Variants in PTK7 observed in about 807,000 individuals in gnomAD.
PTK7 encodes protein tyrosine kinase 7 (inactive).
Under a neutral mutation model 116.6 loss-of-function variants are expected in PTK7, and 39 were observed. That is an observed-to-expected ratio of 0.33 (90% CI 0.26 to 0.44). The LOEUF is 0.44. PTK7 is among the 20% of genes least tolerant of loss of function. The pLI, the probability that PTK7 is intolerant of heterozygous loss-of-function variation, is 1.00. For missense variants in PTK7, 1,169 were observed against 1,425.6 expected, an observed-to-expected ratio of 0.82 and a Z score of 2.90; for synonymous variants, 546 against 563.6, an observed-to-expected ratio of 0.97 and a Z score of 0.44.
intron 1 of PTK7, among the ~76,000 whole-genome samples, chr6:43,108,429 T>G (rs1768016103): frequency 7.3e-6 from 1 of 137,212 alleles, no homozygotes; most frequent in Non-Finnish European, 1.6e-5. Flanking sequence ...AGACAGGGTC[T>G]CAGTTTGTTG....
chr6:43,153,615 T>A (rs1025647531), intron 17 of PTK7, among the ~76,000 whole-genome samples: 2 of 152,138 alleles, frequency 1.3e-5, no homozygotes, highest in South Asian at 2.1e-4. Context: ...CTCACTATGT[T>A]GCCCAGGCTG....
chr6:43,126,235 G>A (rs909863070), intron 1 of PTK7, among the ~76,000 whole-genome samples: 10 of 152,136 alleles, frequency 6.6e-5, no homozygotes, highest in Non-Finnish European at 1.2e-4. Flanking sequence ...CATGAGAATC[G>A]CTTAAATCCG....
chr6:43,139,299 C>T lies in PTK7; in HGVS notation c.1498+28C>T. 1.2e-6 allele frequency: 2 copies of T among 1,614,184 alleles called. No individual in the cohort carries two copies. The highest frequency in any genetic ancestry group is 1.7e-6 in the Non-Finnish European group (2 of 1,180,014). ...GAGCCAGCATGTCTTGGGGGAGCAC[C>T]CTTCCTGGCTAGGCAGGAGAGGAAA... On this transcript the variant is annotated intron_variant, in intron 9 of 19. Coordinates refer to ENST00000230419, the MANE Select transcript of PTK7 (RefSeq NM_002821.5). This position sits in a 1 kb window ranked among gnomAD's most constrained non-coding sequence, Gnocchi z 4.6.
chr6:43,118,679 A>ATGTCTG (rs1561956636), intron 1 of PTK7, among the ~76,000 whole-genome samples: 87 of 114,592 alleles, frequency 7.6e-4, no homozygotes, highest in African/African-American at 3.3e-3. Flanking sequence ...ATATATATAT[A>ATGTCTG]TATATATATG....
At chr6:43,142,132 C>A (rs200956359) in intron 12 of PTK7, 40 bp from the exon 13 acceptor site, 1 of 1,612,140 alleles carries the variant, frequency 6.2e-7, no homozygotes, top group Non-Finnish European at 8.5e-7. Context: ...CAGCCCCCCT[C>A]CCTGCGAGCT....
In PTK7 at chr6:43,143,675, C is replaced by A; in HGVS notation, c.2251+55C>A. The A allele has an allele frequency of 1.3e-6, 2 of 1,561,344 alleles. No homozygotes were observed. Among genetic ancestry groups the A allele is most frequent in the South Asian group, 2.3e-5 (2 of 87,682 alleles). On this transcript the variant is annotated intron_variant, in intron 14 of 19. Coordinates refer to ENST00000230419, the MANE Select transcript of PTK7 (RefSeq NM_002821.5). The surrounding 1 kb of genome is among the most constrained non-coding windows in gnomAD (Gnocchi z 4.2). ...CCGTGTGCGGGAGCTGAGCGCCCTC[C>A]CGCGGCCACGGAGGGGAGAGCGCCA... is the stretch of plus-strand genomic sequence containing the variant.
At chr6:43,100,382 C>CA (rs34878554) in intron 1 of PTK7, among the ~76,000 whole-genome samples, 113 of 107,868 alleles carry the variant, frequency 1.0e-3, no homozygotes, top group Middle Eastern at 5.5e-3. Flanking sequence ...GACTCCATCT[C>CA]AAAAAAAAAA....
At chr6:43,102,440 T>C (rs1220441068) in intron 1 of PTK7, among the ~76,000 whole-genome samples, 2 of 150,446 alleles carry the variant, frequency 1.3e-5, no homozygotes, top group Non-Finnish European at 3.0e-5. Flanking sequence ...AAAAAAAAAA[T>C]TAGCCGGTTG....
intron 7 of PTK7, 105 bp downstream of exon 7, chr6:43,132,792 T>G: frequency 6.8e-7 from 1 of 1,480,826 alleles, no homozygotes. Context: ...CTCTCAGTTC[T>G]GGGCCCTGCA....
intron 1 of PTK7, among the ~76,000 whole-genome samples, chr6:43,127,865 C>T (rs1425813634): frequency 6.6e-6 from 1 of 151,748 alleles, no homozygotes; most frequent in East Asian, 1.9e-4. Flanking sequence ...GGAGGCAGAG[C>T]TTGCAGTGAG....
intron 10 of PTK7, among the ~76,000 whole-genome samples, chr6:43,140,177 G>A (rs1195761853): frequency 1.4e-5 from 2 of 147,536 alleles, no homozygotes. Flanking sequence ...GGCCGGGCGT[G>A]GTGGCTCACG....
intron 1 of PTK7, among the ~76,000 whole-genome samples, chr6:43,091,188 TCTCA>T (rs374177408): frequency 2.2e-5 from 3 of 135,758 alleles, no homozygotes; most frequent in African/African-American, 8.6e-5. Context: ...GGAGATGGGG[TCTCA>T]CTCTGTCGCC....
At chr6:43,156,909 AC>A (rs1771467592) in intron 17 of PTK7, among the ~76,000 whole-genome samples, 3 of 151,000 alleles carry the variant, frequency 2.0e-5, no homozygotes, top group African/African-American at 7.4e-5. Flanking sequence ...AAACAAGCAA[AC>A]AAACAAAAGA....
Position 43,142,187 on chromosome 6 carries a change from G to T in PTK7, c.1935G>T (p.Gln645His). 1 of 1,614,162 alleles carries T rather than the reference G, an allele frequency of 6.2e-7. No homozygotes were observed. The highest frequency in any genetic ancestry group is 8.5e-7 in the Non-Finnish European group (1 of 1,180,032). ...CCCCCGACAGGATGCACATCTTCCA[G>T]AATGGCTCCCTGGTGATCCATGACG... ...TKLGPRMHIF[Q>H]NGSLVIHDVA... is the part of the protein sequence containing the mutation. Residue 645 changes from glutamine (Q) to histidine (H), a missense_variant, in exon 13 of 20, where the codon CAG becomes CAT. By Grantham distance (24) the Gln-to-His change is conservative. Transcript: ENST00000230419.
intron 17 of PTK7, among the ~76,000 whole-genome samples, chr6:43,147,027 C>T (rs1226976311): frequency 6.6e-6 from 1 of 152,226 alleles, no homozygotes; most frequent in African/African-American, 2.4e-5. Context: ...GGACGCCTGC[C>T]CACCTGCAAT....
chr6:43,149,970 C>T (rs963125432), intron 17 of PTK7, among the ~76,000 whole-genome samples: 7 of 152,040 alleles, frequency 4.6e-5, no homozygotes, highest in Non-Finnish European at 1.0e-4. Context: ...CTGAGGGGAG[C>T]CTCAGGAGGA....
Position 43,160,926 on chromosome 6 carries a change from T to C in PTK7, c.*45T>C. On this transcript the variant is annotated 3_prime_UTR_variant, in exon 20 of 20. Transcript: ENST00000230419. Reference sequence around the variant, plus strand: ...TGGCCTGGGCAGGGGAGGACATCTCTAGAGGGAAGCTCACAGCATGATGGG... The same window carrying C: ...TGGCCTGGGCAGGGGAGGACATCTCCAGAGGGAAGCTCACAGCATGATGGG... The C allele has an allele frequency of 6.3e-7, 1 of 1,598,290 alleles. No homozygotes were observed. The highest frequency in any genetic ancestry group is 8.5e-7 in the Non-Finnish European group (1 of 1,172,658).
chr6:43,141,977 G>C lies in PTK7; in HGVS notation c.1815G>C (p.Gln605His). Residue 605 changes from glutamine (Q) to histidine (H), a missense_variant, in exon 12 of 20, where the codon CAG becomes CAC. Gln to His is a conservative substitution (Grantham distance 24). Around this residue, in one of 3 missense-constraint regions of PTK7, gnomAD observed 678 missense variants for 853.8 expected, o/e 0.79. Transcript: ENST00000230419. This position sits in a 1 kb window ranked among gnomAD's most constrained non-coding sequence, Gnocchi z 4.9. ...AACCAGAGCGTACGACTGTGTACCAGGGCCACACAGCCCTACTGCAGTGCG... is the reference window on the plus strand; with the variant it reads ...AACCAGAGCGTACGACTGTGTACCACGGCCACACAGCCCTACTGCAGTGCG... ...KVEPERTTVY[Q>H]GHTALLQCEA... 2 of 1,613,642 alleles carry C rather than the reference G, an allele frequency of 1.2e-6. No individual in the cohort carries two copies. Among genetic ancestry groups the C allele is most frequent in the Non-Finnish European group, 1.7e-6 (2 of 1,179,932 alleles).
intron 17 of PTK7, among the ~76,000 whole-genome samples, chr6:43,157,218 C>G (rs1479307335): frequency 2.8e-5 from 4 of 143,610 alleles, no homozygotes; most frequent in Non-Finnish European, 6.0e-5. Context: ...GTTTTCTTAC[C>G]TTTCTACCTT....
Sources: gnomAD v4.1 joint callset for allele counts (sites outside exome capture counted in the v4.1 genomes callset) on GRCh38, gnomAD v4.1.1 for gene constraint, gnomAD v4.1.1 regional missense constraint, Gnocchi (gnomAD v3.1) non-coding constraint, MANE v1.5 for transcripts, NCBI Gene and HGNC (gene_info 2026-07-23, HGNC 2026-07-21) for gene names.